Variants in IFT80 observed in about 807,000 individuals in gnomAD.
IFT80 encodes intraflagellar transport protein 80 homolog.
In IFT80, 79 loss-of-function variants were observed where a neutral mutation model predicts 107.9. That is an observed-to-expected ratio of 0.73 (90% CI 0.61 to 0.88). The LOEUF (loss-of-function observed/expected upper bound fraction) is 0.88, where lower values mean the gene tolerates loss of function less well. Among genes scored for constraint, IFT80 ranks in the 40% least tolerant of loss-of-function variants. The pLI is 0.00. For missense variants in IFT80, 797 were observed against 914.2 expected, an observed-to-expected ratio of 0.87 and a Z score of 1.65; for synonymous variants, 299 against 300.9, an observed-to-expected ratio of 0.99 and a Z score of 0.07.
At chr3:160,287,310 G>A (rs1715167173) in intron 12 of IFT80, among the ~76,000 whole-genome samples, 1 of 152,198 alleles carries the variant, frequency 6.6e-6, no homozygotes, top group African/African-American at 2.4e-5. Flanking sequence ...TTTACAGCCA[G>A]TTGGTCAGAA....
At chr3:160,258,886 T>G (rs1712575339) in intron 19 of IFT80, among the ~76,000 whole-genome samples, 2 of 152,052 alleles carry the variant, frequency 1.3e-5, no homozygotes, top group Non-Finnish European at 2.9e-5. Flanking sequence ...TGCTTGAGTC[T>G]AGGAGTTTGA....
chr3:160,277,710 C>T (rs1714378571), intron 16 of IFT80, 40 bp from the exon 17 acceptor site: 1 of 1,305,206 alleles, frequency 7.7e-7, no homozygotes. Context: ...AACTATGTGA[C>T]TGAACTGCCT....
At chr3:160,391,939 G>A (rs1015204956) in intron 1 of IFT80, among the ~76,000 whole-genome samples, 1 of 152,206 alleles carries the variant, frequency 6.6e-6, no homozygotes, top group African/African-American at 2.4e-5. Context: ...GGAGACTGAG[G>A]TAAACAGGGA....
At chr3:160,383,526 T>C in intron 2 of IFT80, 1 of 746,202 alleles carries the variant, frequency 1.3e-6, no homozygotes, top group Non-Finnish European at 1.6e-6. Flanking sequence ...ATCCATTGCA[T>C]ATGGATATTT....
chr3:160,298,960 G>A (rs891036602), intron 12 of IFT80: 1 of 230,404 alleles, frequency 4.3e-6, no homozygotes, highest in Non-Finnish European at 7.2e-6. Flanking sequence ...ATAATCTTAT[G>A]GTATATGCAG....
At chr3:160,385,446 G>A (rs1176499669) in intron 1 of IFT80, among the ~76,000 whole-genome samples, 1 of 152,100 alleles carries the variant, frequency 6.6e-6, no homozygotes, top group Admixed American at 6.6e-5. Context: ...TGTAATTAAA[G>A]GGAAAAAATC....
chr3:160,397,222 TATAG>T (rs1414478247), intron 1 of IFT80, among the ~76,000 whole-genome samples: 1 of 152,214 alleles, frequency 6.6e-6, no homozygotes, highest in Non-Finnish European at 1.5e-5. Flanking sequence ...CTTACTGTTA[TATAG>T]TAACAATCTT....
intron 6 of IFT80, among the ~76,000 whole-genome samples, chr3:160,363,746 A>G (rs1434658025): frequency 6.6e-6 from 1 of 152,232 alleles, no homozygotes; most frequent in Non-Finnish European, 1.5e-5. Context: ...TGACAAAAAC[A>G]AGAAATGGGG....
At chr3:160,280,586 A>G (rs2108231151) in intron 15 of IFT80, 81 bp downstream of exon 15, 2 of 1,209,330 alleles carry the variant, frequency 1.7e-6, no homozygotes, top group Non-Finnish European at 2.4e-6. Context: ...ACCTTGCAGG[A>G]TTGAAAATAG....
chr3:160,386,252 T>C (rs1712921366), intron 1 of IFT80, among the ~76,000 whole-genome samples: 1 of 152,250 alleles, frequency 6.6e-6, no homozygotes, highest in South Asian at 2.1e-4. Flanking sequence ...TGAGACCATC[T>C]GTATGAATGA....
At chr3:160,281,334 C>A (rs941093940) in intron 14 of IFT80, among the ~76,000 whole-genome samples, 1 of 152,172 alleles carries the variant, frequency 6.6e-6, no homozygotes, top group African/African-American at 2.4e-5. Context: ...CACCATTGCC[C>A]CTCTGTCAGC....
At chr3:160,320,526 A>C (rs981172680) in intron 8 of IFT80, among the ~76,000 whole-genome samples, 1 of 151,908 alleles carries the variant, frequency 6.6e-6, no homozygotes, top group Non-Finnish European at 1.5e-5. Context: ...AGCATTAAAT[A>C]GGACAAAAGA....
chr3:160,397,697 C>G (rs1252725594), intron 1 of IFT80, among the ~76,000 whole-genome samples: 3 of 151,420 alleles, frequency 2.0e-5, no homozygotes, highest in African/African-American at 4.9e-5. Context: ...CCCAAATACA[C>G]CACTCAATTT....
chr3:160,263,002 T>A lies in IFT80; in HGVS notation c.2224-4367A>T, dbSNP rs141995563. ...GTCCTTTTGTGTTCATATTTATATT[T>A]CTAATTGCCTGCTAGATACCTCCTT... On this transcript the variant is annotated intron_variant, in intron 19 of 19. Transcript: ENST00000326448. Among the ~76,000 whole-genome samples the A allele has an allele frequency of 4.2e-3, 645 of 152,346 alleles. 2 individuals carry two copies. Among genetic ancestry groups the A allele is most frequent in the Admixed American group, 6.8e-3 (104 of 15,298 alleles).
At chr3:160,316,350 T>C (rs1205803405) in intron 9 of IFT80, among the ~76,000 whole-genome samples, 1 of 152,136 alleles carries the variant, frequency 6.6e-6, no homozygotes, top group Admixed American at 6.6e-5. Context: ...CAGTTGAGCC[T>C]TCAGATAAAA....
intron 19 of IFT80, among the ~76,000 whole-genome samples, chr3:160,267,646 T>C (rs1192953182): frequency 1.3e-5 from 2 of 152,238 alleles, no homozygotes; most frequent in Non-Finnish European, 2.9e-5. Context: ...TAAGTGGCTA[T>C]AATCAGTTAT....
chr3:160,312,002 C>G (rs554864354), intron 9 of IFT80, among the ~76,000 whole-genome samples: 11 of 152,142 alleles, frequency 7.2e-5, no homozygotes, highest in Non-Finnish European at 1.0e-4. Flanking sequence ...AGGATGGCCT[C>G]GATCTCCTGA....
intron 18 of IFT80, among the ~76,000 whole-genome samples, chr3:160,274,981 AAT>A (rs1322484236): frequency 6.6e-6 from 1 of 152,184 alleles, no homozygotes; most frequent in African/African-American, 2.4e-5. Context: ...CTTAGTGATA[AAT>A]TGAGCTCTTC....
intron 12 of IFT80, among the ~76,000 whole-genome samples, chr3:160,297,314 T>C (rs552643130): frequency 6.6e-6 from 1 of 152,200 alleles, no homozygotes; most frequent in African/African-American, 2.4e-5. Context: ...CTCAAATTAC[T>C]CCAGCCCAAG....
Sources: allele counts gnomAD v4.1 joint callset (sites outside exome capture counted in the v4.1 genomes callset), GRCh38; gene constraint gnomAD v4.1.1; transcripts MANE v1.5; gene names NCBI Gene and HGNC (gene_info 2026-07-23, HGNC 2026-07-21).